CADM2: variants seen among roughly 807,000 people sequenced by gnomAD.
The protein encoded by CADM2 is cell adhesion molecule 2, also known as immunoglobulin superfamily member 4D.
In CADM2, 12 loss-of-function variants were observed where a neutral mutation model predicts 49.8. The observed-to-expected ratio is 0.24, with a 90% CI of 0.15 to 0.39. The LOEUF is 0.39. CADM2 is among the 10% of genes least tolerant of loss of function. CADM2 has a pLI of 1.00. For missense variants in CADM2, 378 were observed against 492.3 expected (o/e 0.77, Z 2.20); for synonymous variants, 214 against 175.4 (o/e 1.22, Z -1.74).
At chr3:85,788,510 G>T (rs1395495808) in intron 2 of CADM2, among the ~76,000 whole-genome samples, 2 of 151,932 alleles carry the variant, frequency 1.3e-5, no homozygotes, top group South Asian at 2.1e-4. Context: ...TACAGAAAAA[G>T]AATATTAATG....
At chr3:85,541,908 G>T (rs1348417370) in intron 1 of CADM2, among the ~76,000 whole-genome samples, 1 of 150,882 alleles carries the variant, frequency 6.6e-6, no homozygotes, top group African/African-American at 2.4e-5. Flanking sequence ...GAACGACATG[G>T]AGTATACACT....
chr3:85,575,349 A>T (rs1324281256), intron 1 of CADM2, among the ~76,000 whole-genome samples: 1 of 152,184 alleles, frequency 6.6e-6, no homozygotes, highest in Non-Finnish European at 1.5e-5. Flanking sequence ...CAGGAGATCC[A>T]GACCATCCTA....
chr3:85,478,726 T>G (rs1404361174), intron 1 of CADM2, among the ~76,000 whole-genome samples: 1 of 151,938 alleles, frequency 6.6e-6, no homozygotes, highest in Non-Finnish European at 1.5e-5. Context: ...CTGGCGAATT[T>G]TAGACTTAGC....
chr3:85,338,498 C>CA (rs2107182561), intron 1 of CADM2, among the ~76,000 whole-genome samples: 1 of 151,430 alleles, frequency 6.6e-6, no homozygotes, highest in South Asian at 2.1e-4. Context: ...ACCATTATCA[C>CA]CATCATTATA....
Position 85,478,495 on chromosome 3 carries a change from C to T in CADM2, c.62-248027C>T, listed in dbSNP as rs17022864. ...GTGGTAAAGATGTTTTGTTGGATCACGTGGCAATGAGATTTGGCACTTCCT... is the reference window on the plus strand; with the variant it reads ...GTGGTAAAGATGTTTTGTTGGATCATGTGGCAATGAGATTTGGCACTTCCT... On this transcript the variant is annotated intron_variant, in intron 1 of 9. Transcript: ENST00000383699. Among the ~76,000 whole-genome samples the T allele has an allele frequency of 9.9e-3, 1,506 of 151,830 alleles. 23 individuals carry two copies. The highest frequency in any genetic ancestry group is 0.033 in the African/African-American group (1,370 of 41,468).
At chr3:85,863,102 A>G (rs2075597897) in intron 3 of CADM2, among the ~76,000 whole-genome samples, 1 of 152,170 alleles carries the variant, frequency 6.6e-6, no homozygotes, top group African/African-American at 2.4e-5. Context: ...GGAGACATAA[A>G]TATAGGCATT....
In CADM2 at chr3:85,364,176, T is replaced by G. The variant is rs114245833; in HGVS notation, c.62-362346T>G. Among the ~76,000 whole-genome samples the G allele has an allele frequency of 3.0e-3, 450 of 152,292 alleles. 3 individuals carry two copies. The highest frequency in any genetic ancestry group is 0.01 in the African/African-American group (435 of 41,572). The stretch of plus-strand genomic sequence containing the variant: ...TTGTCTCATTAGAGTGATATTGCCG[T>G]TTTATGGCTAAATGAATGGTTTTTA... On this transcript the variant is annotated intron_variant, in intron 1 of 9. Coordinates refer to ENST00000383699, the MANE Select transcript of CADM2 (RefSeq NM_001167675.2).
At chr3:85,292,622 AG>A (rs1371531261) in intron 1 of CADM2, among the ~76,000 whole-genome samples, 12 of 151,694 alleles carry the variant, frequency 7.9e-5, no homozygotes, top group African/African-American at 2.7e-4. Flanking sequence ...ACTAGAACTC[AG>A]GATTAAGAAT....
intron 2 of CADM2, among the ~76,000 whole-genome samples, chr3:85,760,568 G>T (rs1031125606): frequency 6.6e-6 from 1 of 152,044 alleles, no homozygotes; most frequent in Non-Finnish European, 1.5e-5. Flanking sequence ...CATCATAAAA[G>T]AACATAAGGC....
chr3:85,449,193 T>C (rs1462554322), intron 1 of CADM2, among the ~76,000 whole-genome samples: 1 of 151,496 alleles, frequency 6.6e-6, no homozygotes, highest in East Asian at 1.9e-4. Context: ...AATTTTTTTT[T>C]CACCAGAGTC....
intron 1 of CADM2, among the ~76,000 whole-genome samples, chr3:85,428,517 A>C (rs2036519939): frequency 6.8e-6 from 1 of 146,262 alleles, no homozygotes; most frequent in South Asian, 2.1e-4. Flanking sequence ...ATGTATTAGT[A>C]AGGCATATAT....
chr3:85,005,843 G>C (rs1251940573), intron 1 of CADM2, among the ~76,000 whole-genome samples: 1 of 152,044 alleles, frequency 6.6e-6, no homozygotes, highest in Non-Finnish European at 1.5e-5. Flanking sequence ...ACTCTGAGGA[G>C]TTTAGCAATG....
chr3:85,647,149 C>T (rs975208740), intron 1 of CADM2, among the ~76,000 whole-genome samples: 4 of 151,668 alleles, frequency 2.6e-5, no homozygotes, highest in African/African-American at 9.7e-5. Context: ...CAAAACACTG[C>T]CCTTTACCAA....
intron 1 of CADM2, among the ~76,000 whole-genome samples, chr3:85,021,009 T>G (rs2034479451): frequency 6.6e-6 from 1 of 150,898 alleles, no homozygotes; most frequent in South Asian, 2.1e-4. Context: ...TGCAGCACTT[T>G]GGGAGGCCAA....
intron 1 of CADM2, among the ~76,000 whole-genome samples, chr3:85,704,243 A>C (rs1375021027): frequency 1.3e-5 from 2 of 152,220 alleles, no homozygotes; most frequent in Non-Finnish European, 2.9e-5. Context: ...GAGAGCAGAG[A>C]AAACTAAGCC....
At chr3:85,206,707 T>A (rs2041651520) in intron 1 of CADM2, among the ~76,000 whole-genome samples, 1 of 152,254 alleles carries the variant, frequency 6.6e-6, no homozygotes, top group Non-Finnish European at 1.5e-5. Flanking sequence ...CATTGTCTTT[T>A]TTTCTGTTTT....
chr3:85,291,587 C>A (rs2106936481), intron 1 of CADM2, among the ~76,000 whole-genome samples: 1 of 147,486 alleles, frequency 6.8e-6, no homozygotes, highest in Admixed American at 6.6e-5. Flanking sequence ...AACAGCGGAT[C>A]TCTTGGCAGA....
intron 1 of CADM2, among the ~76,000 whole-genome samples, chr3:85,478,564 T>C (rs532458790): frequency 6.6e-6 from 1 of 151,510 alleles, no homozygotes; most frequent in East Asian, 1.9e-4. Flanking sequence ...GAAAATAAAA[T>C]AAAAAATGGG....
rs182599809 is a variant in CADM2 at position 85,518,827 on chromosome 3, C to T, written c.62-207695C>T. Among the ~76,000 whole-genome samples the T allele has an allele frequency of 2.0e-3, 301 of 152,226 alleles. 2 individuals are homozygous for T. Among genetic ancestry groups the T allele is most frequent in the African/African-American group, 7.1e-3 (295 of 41,516 alleles). Reference sequence around the variant, plus strand: ...ATGATCTGGGATAATCTCTTCATCTCAAGATCTTCAATTTAGTCACCTCGG... The same window carrying T: ...ATGATCTGGGATAATCTCTTCATCTTAAGATCTTCAATTTAGTCACCTCGG... On this transcript the variant is annotated intron_variant, in intron 1 of 9. Transcript: ENST00000383699.
Sources: allele counts gnomAD v4.1 joint callset (sites outside exome capture counted in the v4.1 genomes callset), GRCh38; gene constraint gnomAD v4.1.1; transcripts MANE v1.5; gene names NCBI Gene and HGNC (gene_info 2026-07-23, HGNC 2026-07-21).